The following ZC4H2 variants were observed in gnomAD, a reference collection of about 807,000 sequenced individuals.
ZC4H2 encodes zinc finger C4H2 domain-containing protein.
For missense variants in ZC4H2, 137 were observed against 173.9 expected (o/e 0.79, Z 1.19); for synonymous variants, 84 against 66.3 (o/e 1.27, Z -1.30).
At chrX:64,951,543 C>G (rs1031132339) in intron 1 of ZC4H2, among the ~76,000 whole-genome samples, 2 of 112,269 alleles carry the variant, frequency 1.8e-5, no homozygotes, top group African/African-American at 3.2e-5. Context: ...GCATTTCTCT[C>G]ATGGCCAGTG....
At chrX:65,020,099 T>C (rs1287102344) in intron 1 of ZC4H2, among the ~76,000 whole-genome samples, 3 of 111,982 alleles carry the variant, frequency 2.7e-5, no homozygotes, top group Non-Finnish European at 5.6e-5. Flanking sequence ...TGGAACAAAG[T>C]TGGAAAACAC....
chrX:64,995,409 C>G lies in ZC4H2; in HGVS notation c.-272+39220G>C, dbSNP rs144318185. ...TGAGATGGGGTCTCACTCTGTCACT[C>G]AGGCTGGAGTGCAGTCTATGCCTCA... On this transcript the variant is annotated intron_variant, in intron 1 of 4. Transcript: ENST00000337990. 3.4e-3 allele frequency among the ~76,000 whole-genome samples: 384 copies of G among 112,298 alleles called. 4 individuals are homozygous for G. Among genetic ancestry groups the G allele is most frequent in the African/African-American group, 0.012 (363 of 30,928 alleles).
At chrX:64,973,253 T>C (rs760826214) in intron 1 of ZC4H2, among the ~76,000 whole-genome samples, 2 of 110,876 alleles carry the variant, frequency 1.8e-5, no homozygotes, top group African/African-American at 3.3e-5. Context: ...CCTGCCTGCC[T>C]GTGGGTGACT....
rs752418961 is a variant in ZC4H2 at position 64,999,237 on chromosome X, C to T, written c.-272+35392G>A. 1.4e-3 allele frequency among the ~76,000 whole-genome samples: 158 copies of T among 110,517 alleles called. 1 individual carries two copies. The highest frequency in any genetic ancestry group is 3.1e-3 in the Admixed American group (32 of 10,376). On this transcript the variant is annotated intron_variant, in intron 1 of 4. Transcript: ENST00000337990. Reference sequence around the variant, plus strand: ...GATTTCTGCATTTCCAACTGAGGTACGTGGCTCATCTCACTGGGACAGGTT... The same window carrying T: ...GATTTCTGCATTTCCAACTGAGGTATGTGGCTCATCTCACTGGGACAGGTT...
At chrX:64,928,647 T>TCTTCTA (rs1377097345) in intron 1 of ZC4H2, among the ~76,000 whole-genome samples, 4 of 94,425 alleles carry the variant, frequency 4.2e-5, no homozygotes, top group African/African-American at 1.5e-4. Flanking sequence ...TTCTTCTTCT[T>TCTTCTA]CTTCTTCTTC....
intron 1 of ZC4H2, among the ~76,000 whole-genome samples, chrX:65,026,492 C>T (rs1358618383): frequency 1.8e-5 from 2 of 109,263 alleles, no homozygotes; most frequent in African/African-American, 6.7e-5. Flanking sequence ...AGGTGGATCA[C>T]GAGGCAGGAG....
At chrX:64,935,395 G>C (rs1229411490) in intron 1 of ZC4H2, among the ~76,000 whole-genome samples, 3 of 112,173 alleles carry the variant, frequency 2.7e-5, no homozygotes, top group Non-Finnish European at 3.8e-5. Context: ...GGTGGACACA[G>C]CTTCGGCAGA....
chrX:64,972,960 T>C (rs909294482), intron 1 of ZC4H2, among the ~76,000 whole-genome samples: 2 of 112,155 alleles, frequency 1.8e-5, no homozygotes, highest in Non-Finnish European at 3.8e-5. Flanking sequence ...AAAAGCAGTT[T>C]AATTTAAGTC....
At chrX:64,930,655 G>T (rs1929699734) in intron 1 of ZC4H2, among the ~76,000 whole-genome samples, 1 of 112,037 alleles carries the variant, frequency 8.9e-6, no homozygotes, top group Admixed American at 9.4e-5. Context: ...CTGTTTATGT[G>T]ATGTATCACA....
chrX:65,013,609 GC>G (rs1456014016), intron 1 of ZC4H2, among the ~76,000 whole-genome samples: 1 of 111,072 alleles, frequency 9.0e-6, no homozygotes, highest in Non-Finnish European at 1.9e-5. Context: ...AGGAACTGAG[GC>G]CCCTCAGTCC....
At chrX:64,999,345 G>A (rs889192192) in intron 1 of ZC4H2, among the ~76,000 whole-genome samples, 2 of 111,711 alleles carry the variant, frequency 1.8e-5, no homozygotes, top group African/African-American at 6.5e-5. Context: ...AAGGGTTGGG[G>A]AACTCACTCT....
chrX:65,029,696 G>T (rs919858564), intron 1 of ZC4H2, among the ~76,000 whole-genome samples: 2 of 111,634 alleles, frequency 1.8e-5, no homozygotes, highest in Non-Finnish European at 3.8e-5. Context: ...GTCTATGTGA[G>T]ACTGGAGGAA....
intron 1 of ZC4H2, among the ~76,000 whole-genome samples, chrX:65,011,378 G>C (rs1932753739): frequency 9.0e-6 from 1 of 111,192 alleles, no homozygotes; most frequent in Non-Finnish European, 1.9e-5. Flanking sequence ...CATTTTCCTG[G>C]CTCAATTCTT....
intron 1 of ZC4H2, among the ~76,000 whole-genome samples, chrX:64,927,207 A>G (rs1234739118): frequency 9.0e-6 from 1 of 110,580 alleles, no homozygotes; most frequent in Admixed American, 9.7e-5. Context: ...ATAGGTATAC[A>G]TATGCCATGG....
intron 1 of ZC4H2, among the ~76,000 whole-genome samples, chrX:65,007,654 G>A (rs1053431541): frequency 1.8e-5 from 2 of 111,782 alleles, no homozygotes; most frequent in Middle Eastern, 4.2e-3. Flanking sequence ...AACAACTGGG[G>A]AGGTGCAACA....
chrX:64,957,315 C>A (rs939961423), intron 1 of ZC4H2, among the ~76,000 whole-genome samples: 1 of 111,925 alleles, frequency 8.9e-6, no homozygotes, highest in African/African-American at 3.2e-5. Context: ...GCTGGAGTCT[C>A]TCTGCATCTG....
At chrX:65,033,639 A>C (rs1932965774) in intron 1 of ZC4H2, among the ~76,000 whole-genome samples, 1 of 111,927 alleles carries the variant, frequency 8.9e-6, no homozygotes, top group African/African-American at 3.3e-5. Flanking sequence ...ATTGAAAAAT[A>C]ACTCCAATTT....
intron 4 of ZC4H2, 62 bp from the exon 5 acceptor site, chrX:64,917,958 C>G (rs761685063): frequency 2.2e-5 from 25 of 1,134,506 alleles, no homozygotes; most frequent in South Asian, 8.0e-5. Context: ...ACAACTTAGA[C>G]TTCTGATTCC....
intron 1 of ZC4H2, among the ~76,000 whole-genome samples, chrX:64,933,870 C>T (rs182116566): frequency 6.3e-5 from 7 of 111,721 alleles, no homozygotes; most frequent in Non-Finnish European, 1.1e-4. Context: ...TGTATAGGCA[C>T]CAGTTGTAGC....
Sources: allele counts gnomAD v4.1 joint callset (sites outside exome capture counted in the v4.1 genomes callset), GRCh38; gene constraint gnomAD v4.1.1; transcripts MANE v1.5; gene names NCBI Gene and HGNC (gene_info 2026-07-23, HGNC 2026-07-21).